The following OR1J2 variants were observed in gnomAD, a reference collection of about 807,000 sequenced individuals.
The protein encoded by OR1J2 is olfactory receptor family 1 subfamily J member 2.
For synonymous variants in OR1J2, 142 were observed against 99.7 expected, an observed-to-expected ratio of 1.42 and a Z score of -2.52; for missense variants, 304 against 246.1, an observed-to-expected ratio of 1.24 and a Z score of -1.57.
chr9:122,562,939 A>G, the OR1J2 span, among the ~76,000 whole-genome samples: 21 of 152,184 alleles, frequency 1.4e-4, no homozygotes, highest in African/African-American at 4.8e-4. Context: ...ATTTTGGTTG[A>G]TTCCATATCT....
chr9:122,547,348 TTTGA>T, the OR1J2 span, among the ~76,000 whole-genome samples: 1 of 152,082 alleles, frequency 6.6e-6, no homozygotes, highest in Admixed American at 6.6e-5. Flanking sequence ...TTAAAAACAA[TTTGA>T]TTGTTTTATT....
chr9:122,477,427 G>A, the OR1J2 span: 1 of 1,613,914 alleles, frequency 6.2e-7, no homozygotes, highest in Non-Finnish European at 8.5e-7. Context: ...AGCACAGAAG[G>A]AAAGCTGGGC....
the OR1J2 span, among the ~76,000 whole-genome samples, chr9:122,465,352 G>A: frequency 8.5e-5 from 13 of 152,148 alleles, no homozygotes; most frequent in East Asian, 1.5e-3. Context: ...TCTGCTCTTC[G>A]GGCTTTTCTT....
downstream of OR1J2, among the ~76,000 whole-genome samples, chr9:122,513,656 T>C (rs1271717719): frequency 2.6e-5 from 4 of 152,110 alleles, no homozygotes; most frequent in Non-Finnish European, 5.9e-5. Flanking sequence ...AAGCCCTGCA[T>C]ATATTAGGTA....
the OR1J2 span, among the ~76,000 whole-genome samples, chr9:122,460,510 A>G: frequency 2.8e-3 from 430 of 152,176 alleles, no homozygotes; most frequent in African/African-American, 9.9e-3. Flanking sequence ...TTTGGTGACT[A>G]TGGCCTTATA....
chr9:122,576,388 A>ATT, the OR1J2 span, among the ~76,000 whole-genome samples: 161 of 138,624 alleles, frequency 1.2e-3, no homozygotes, highest in African/African-American at 3.9e-3. Flanking sequence ...CGCCCAGCTA[A>ATT]TTTTTTTTTT....
At chr9:122,519,134 T>A in the OR1J2 span, 3 of 1,576,126 alleles carry the variant, frequency 1.9e-6, no homozygotes, top group Non-Finnish European at 2.6e-6. Context: ...GAGAGAAGAC[T>A]GTCAGCATGA....
the OR1J2 span, among the ~76,000 whole-genome samples, chr9:122,532,531 G>A: frequency 2.0e-5 from 3 of 149,814 alleles, no homozygotes; most frequent in Admixed American, 6.6e-5. Flanking sequence ...ATTGAAGTCC[G>A]GGCCAGGAAC....
At chr9:122,472,422 A>G in the OR1J2 span, among the ~76,000 whole-genome samples, 3 of 152,356 alleles carry the variant, frequency 2.0e-5, no homozygotes, top group South Asian at 2.1e-4. Flanking sequence ...AAATGCACCA[A>G]TAGTACTCTT....
chr9:122,492,243 CAT>C, the OR1J2 span, among the ~76,000 whole-genome samples: 1 of 152,088 alleles, frequency 6.6e-6, no homozygotes, highest in Middle Eastern at 3.2e-3. Flanking sequence ...TAAGTGAGAA[CAT>C]GTGGTATTTG....
chr9:122,547,074 A>T, the OR1J2 span, among the ~76,000 whole-genome samples: 2 of 151,858 alleles, frequency 1.3e-5, no homozygotes, highest in African/African-American at 4.8e-5. Context: ...ATCAAAAATA[A>T]TTTTTTTAAA....
chr9:122,519,455 AT>A, the OR1J2 span: 6 of 1,613,750 alleles, frequency 3.7e-6, no homozygotes, highest in Non-Finnish European at 5.1e-6. Context: ...ATTTTTTCAT[AT>A]TTTTCACTGA....
chr9:122,468,987 T>C, the OR1J2 span, among the ~76,000 whole-genome samples: 1 of 152,198 alleles, frequency 6.6e-6, no homozygotes, highest in Admixed American at 6.5e-5. Context: ...CAATGCTGAG[T>C]TGTCCTGGTT....
chr9:122,548,517 C>T, the OR1J2 span, among the ~76,000 whole-genome samples: 1 of 152,034 alleles, frequency 6.6e-6, no homozygotes, highest in Non-Finnish European at 1.5e-5. Context: ...CAAAGTGACT[C>T]ATTAGGAGAT....
At chr9:122,554,500 C>T in the OR1J2 span, among the ~76,000 whole-genome samples, 1 of 152,152 alleles carries the variant, frequency 6.6e-6, no homozygotes, top group African/African-American at 2.4e-5. Context: ...GCAAGGCAGG[C>T]ATGGGATGAG....
Position 122,511,158 on chromosome 9 carries a change from A to G in OR1J2, c.357A>G (p.Ala119=). Residue 119 remains alanine, a synonymous_variant, in exon 1 of 1, where the codon GCA becomes GCG. Coordinates refer to ENST00000335302, the MANE Select transcript of OR1J2 (RefSeq NM_054107.1). ...DLDSFLITSM[A]YDRYVAICHP... ...ACAGCTTCCTTATTACATCAATGGC[A>G]TATGACCGATATGTTGCCATATGTC... The G allele has an allele frequency of 1.4e-6, 1 of 728,044 alleles. No homozygotes were observed. Among genetic ancestry groups the G allele is most frequent in the Non-Finnish European group, 2.5e-6 (1 of 402,878 alleles). 45.1% of individuals were successfully genotyped at this position (728,044 alleles called of 1,614,324 possible). A position where few individuals can be genotyped will look rare whatever the true frequency, so the allele number is the denominator to read the frequency against.
At chr9:122,550,456 A>G in the OR1J2 span, among the ~76,000 whole-genome samples, 1 of 152,302 alleles carries the variant, frequency 6.6e-6, no homozygotes, top group East Asian at 1.9e-4. Flanking sequence ...AAAGAAAACT[A>G]CAGACCAATA....
chr9:122,565,690 G>A, the OR1J2 span, among the ~76,000 whole-genome samples: 3 of 152,230 alleles, frequency 2.0e-5, no homozygotes, highest in Non-Finnish European at 4.4e-5. Context: ...CATAATACCT[G>A]ACAGGTAGTT....
chr9:122,495,156 T>C, the OR1J2 span, among the ~76,000 whole-genome samples: 1 of 152,180 alleles, frequency 6.6e-6, no homozygotes, highest in Non-Finnish European at 1.5e-5. Flanking sequence ...CTGAAGACTA[T>C]GTGCCTAGGT....
Sources: gnomAD v4.1 joint callset for allele counts (sites outside exome capture counted in the v4.1 genomes callset) on GRCh38, gnomAD v4.1.1 for gene constraint, MANE v1.5 for transcripts, NCBI Gene and HGNC (gene_info 2026-07-23, HGNC 2026-07-21) for gene names.